Variants in RAB30 observed in about 807,000 individuals in gnomAD.
RAB30 encodes ras-related protein Rab-30.
Under a neutral mutation model 25.1 loss-of-function variants are expected in RAB30, and 9 were observed. The ratio of observed to expected loss-of-function variants is 0.36; its 90% CI spans 0.22 to 0.63. The LOEUF (loss-of-function observed/expected upper bound fraction) is 0.63. Among genes scored for constraint, RAB30 ranks in the 20% least tolerant of loss-of-function variants. RAB30 has a pLI of 0.69. For synonymous variants in RAB30, 77 were observed against 86.4 expected (o/e 0.89, Z 0.60); for missense variants, 140 against 243.5 (o/e 0.58, Z 2.83).
intron 1 of RAB30, among the ~76,000 whole-genome samples, chr11:83,006,935 T>G (rs1857197342): frequency 6.6e-6 from 1 of 152,228 alleles, no homozygotes; most frequent in Non-Finnish European, 1.5e-5. Context: ...CCAAAACCAA[T>G]GGATCAAACA....
chr11:82,982,053 A>T lies in RAB30; in HGVS notation c.*112T>A. The T allele has an allele frequency of 6.9e-7, 1 of 1,447,144 alleles. No individual in the cohort carries two copies. The highest frequency in any genetic ancestry group is 1.3e-5 in the South Asian group (1 of 77,184). The allele number at this position is 1,447,144 out of a possible 1,614,324, so 89.6% of individuals were successfully genotyped here. On this transcript the variant is annotated 3_prime_UTR_variant, in exon 5 of 5. Coordinates refer to ENST00000527633, the MANE Select transcript of RAB30 (RefSeq NM_001286060.2). ...CCATGCTTTGTAAGCTCAGGAGCCC[A>T]CAGGAGTCAGAAGGTCAGAGAGCGG...
intron 1 of RAB30, among the ~76,000 whole-genome samples, chr11:83,011,365 T>C (rs767132446): frequency 5.9e-5 from 9 of 152,200 alleles, no homozygotes; most frequent in Non-Finnish European, 8.8e-5. Context: ...GAGAACTTAA[T>C]ATAAATCTTG....
At chr11:83,014,656 AAG>A (rs1396270632) in intron 1 of RAB30, among the ~76,000 whole-genome samples, 93 of 148,846 alleles carry the variant, frequency 6.2e-4, no homozygotes, top group Middle Eastern at 6.8e-3. Flanking sequence ...GAAAGAAAGA[AAG>A]AAAGAAAGAA....
chr11:83,068,930 T>G (rs1858768369), intron 1 of RAB30, among the ~76,000 whole-genome samples: 1 of 152,196 alleles, frequency 6.6e-6, no homozygotes, highest in African/African-American at 2.4e-5. Flanking sequence ...ATATCCCCTA[T>G]TAGAATATAA....
At chr11:83,026,207 T>C (rs1245661703) in intron 1 of RAB30, among the ~76,000 whole-genome samples, 1 of 151,910 alleles carries the variant, frequency 6.6e-6, no homozygotes, top group Admixed American at 6.6e-5. Flanking sequence ...AAGACATAGA[T>C]ATAGATACAC....
chr11:83,027,446 G>C (rs952591441), intron 1 of RAB30, among the ~76,000 whole-genome samples: 15 of 152,126 alleles, frequency 9.9e-5, no homozygotes, highest in African/African-American at 3.6e-4. Flanking sequence ...CCGAAGAAGA[G>C]TGAAAGACTC....
intron 1 of RAB30, among the ~76,000 whole-genome samples, chr11:83,031,262 G>T (rs1004241004): frequency 2.0e-5 from 3 of 152,158 alleles, no homozygotes; most frequent in Non-Finnish European, 4.4e-5. Flanking sequence ...ATAAAAACAA[G>T]GTTCACACAT....
At chr11:83,014,632 G>GAAA (rs1159614855) in intron 1 of RAB30, among the ~76,000 whole-genome samples, 1 of 63,720 alleles carries the variant, frequency 1.6e-5, no homozygotes, top group Non-Finnish European at 3.2e-5. Flanking sequence ...AAAGAAGTAA[G>GAAA]AAAAAGAAAG....
At chr11:82,984,084 T>C (rs1856692953) in intron 4 of RAB30, among the ~76,000 whole-genome samples, 1 of 152,194 alleles carries the variant, frequency 6.6e-6, no homozygotes, top group Admixed American at 6.5e-5. Flanking sequence ...TTTAAAAAGT[T>C]TTCCACCTAC....
intron 1 of RAB30, among the ~76,000 whole-genome samples, chr11:83,038,060 C>A (rs1409957244): frequency 6.6e-6 from 1 of 152,092 alleles, no homozygotes; most frequent in Non-Finnish European, 1.5e-5. Context: ...AAGAAAAAAA[C>A]AGATGACTCC....
At chr11:83,007,981 C>A (rs1395984159) in intron 1 of RAB30, among the ~76,000 whole-genome samples, 1 of 152,256 alleles carries the variant, frequency 6.6e-6, no homozygotes, top group African/African-American at 2.4e-5. Context: ...ATAAACAATA[C>A]CACTGCAAAG....
At chr11:83,071,553 TC>T (rs11342816) in intron 1 of RAB30, 137 bp downstream of exon 1, 38,774 of 151,992 alleles carry the variant, frequency 0.26, 5,692 homozygotes, top group Admixed American at 0.32. Context: ...ACAGAGCTTT[TC>T]CCCTTAGCTG....
intron 1 of RAB30, among the ~76,000 whole-genome samples, chr11:83,003,930 T>C (rs1463034307): frequency 1.3e-5 from 2 of 152,182 alleles, no homozygotes; most frequent in South Asian, 4.1e-4. Context: ...CATATGACCC[T>C]AGATACTCAG....
intron 1 of RAB30, among the ~76,000 whole-genome samples, chr11:83,055,263 G>A (rs1031315431): frequency 7.9e-5 from 12 of 152,238 alleles, no homozygotes; most frequent in Non-Finnish European, 1.5e-5. Context: ...AATGAATCAT[G>A]AATGAGTACC....
intron 1 of RAB30, among the ~76,000 whole-genome samples, chr11:83,036,168 CTT>C (rs1187623873): frequency 1.9e-4 from 26 of 138,024 alleles, no homozygotes; most frequent in Non-Finnish European, 1.4e-4. Flanking sequence ...GGTTCAAATT[CTT>C]TTTTTTTTTT....
At chr11:83,005,572 C>T (rs1038294434) in intron 1 of RAB30, among the ~76,000 whole-genome samples, 1 of 152,054 alleles carries the variant, frequency 6.6e-6, no homozygotes, top group Non-Finnish European at 1.5e-5. Context: ...TGTCTCACTC[C>T]TTATACTAAA....
chr11:83,056,161 C>T (rs1202044407), intron 1 of RAB30, among the ~76,000 whole-genome samples: 2 of 152,186 alleles, frequency 1.3e-5, no homozygotes, highest in African/African-American at 2.4e-5. Flanking sequence ...ACTCTACACC[C>T]ACTAAACAGC....
chr11:83,034,180 T>A (rs1281290030), intron 1 of RAB30: 1 of 152,308 alleles, frequency 6.6e-6, no homozygotes, highest in African/African-American at 2.4e-5. Flanking sequence ...ACCTTCAATT[T>A]TCTCTCGTCC....
chr11:83,021,427 C>T (rs1379578272), intron 1 of RAB30, among the ~76,000 whole-genome samples: 1 of 152,200 alleles, frequency 6.6e-6, no homozygotes. Context: ...CCAGGCACCA[C>T]CTCATTCCCC....
Sources: gnomAD v4.1 joint callset for allele counts (sites outside exome capture counted in the v4.1 genomes callset) on GRCh38, gnomAD v4.1.1 for gene constraint, MANE v1.5 for transcripts, NCBI Gene and HGNC (gene_info 2026-07-23, HGNC 2026-07-21) for gene names.